FRMD5: variants seen among roughly 807,000 people sequenced by gnomAD.
The protein encoded by FRMD5 is FERM domain-containing protein 5.
FRMD5 carries 20 observed loss-of-function variants against 69.0 expected under a neutral mutation model. That is an observed-to-expected ratio of 0.29 (90% CI 0.20 to 0.42). The LOEUF (loss-of-function observed/expected upper bound fraction) is 0.42, where lower values mean the gene tolerates loss of function less well. Among genes scored for constraint, FRMD5 ranks in the 10% least tolerant of loss-of-function variants. The pLI, the probability that FRMD5 is intolerant of heterozygous loss-of-function variation, is 1.00. For synonymous variants in FRMD5, 271 were observed against 260.1 expected (o/e 1.04, Z -0.40); for missense variants, 595 against 708.6 (o/e 0.84, Z 1.82).
At chr15:43,897,911 T>TC (rs151194842) in intron 7 of FRMD5, among the ~76,000 whole-genome samples, 4 of 151,686 alleles carry the variant, frequency 2.6e-5, no homozygotes, top group African/African-American at 7.3e-5. Flanking sequence ...GTATGGCATC[T>TC]CCCCCCTCAT....
At chr15:44,120,605 C>T (rs2076934896) in intron 1 of FRMD5, among the ~76,000 whole-genome samples, 1 of 146,166 alleles carries the variant, frequency 6.8e-6, no homozygotes, top group Admixed American at 7.0e-5. Flanking sequence ...GCAATCTCGG[C>T]TCCGCCTCCC....
chr15:44,018,934 C>T (rs1891088735), intron 1 of FRMD5, among the ~76,000 whole-genome samples: 1 of 151,924 alleles, frequency 6.6e-6, no homozygotes, highest in Admixed American at 6.6e-5. Flanking sequence ...CTCACTCTGT[C>T]ACCCAGGCTG....
At chr15:43,905,426 C>T (rs1409452209) in intron 6 of FRMD5, among the ~76,000 whole-genome samples, 3 of 152,020 alleles carry the variant, frequency 2.0e-5, no homozygotes, top group African/African-American at 7.2e-5. Flanking sequence ...CGTAAGCCAC[C>T]GCGCCTGGCC....
intron 1 of FRMD5, among the ~76,000 whole-genome samples, chr15:43,943,344 T>C (rs947188120): frequency 6.6e-5 from 10 of 152,208 alleles, no homozygotes; most frequent in Middle Eastern, 3.4e-3. Context: ...TCTCCTAAAG[T>C]GTTGGGATTA....
intron 7 of FRMD5, among the ~76,000 whole-genome samples, chr15:43,893,921 A>G (rs1415262013): frequency 1.3e-5 from 2 of 152,224 alleles, no homozygotes; most frequent in Non-Finnish European, 2.9e-5. Flanking sequence ...GGTCCAGGGA[A>G]TAAACTAAGT....
At chr15:43,960,491 T>C (rs1370428200) in intron 1 of FRMD5, among the ~76,000 whole-genome samples, 3 of 152,080 alleles carry the variant, frequency 2.0e-5, no homozygotes, top group African/African-American at 7.2e-5. Flanking sequence ...CCTCATGATC[T>C]GCCCGCCTCG....
chr15:43,875,809 T>TTTTGTTTTG, intron 13 of FRMD5: 1 of 361,478 alleles, frequency 2.8e-6, no homozygotes, highest in African/African-American at 2.3e-5. Context: ...GCCTAGTTTT[T>TTTTGTTTTG]TTTTTTTTTT....
upstream of FRMD5, among the ~76,000 whole-genome samples, chr15:44,199,252 T>C (rs554171427): frequency 1.3e-5 from 2 of 152,254 alleles, no homozygotes; most frequent in East Asian, 3.9e-4. Flanking sequence ...AAAAAAAGAA[T>C]AATCTGAAGT....
At chr15:44,080,806 G>C (rs771988286) in intron 1 of FRMD5, among the ~76,000 whole-genome samples, 1 of 152,022 alleles carries the variant, frequency 6.6e-6, no homozygotes, top group Non-Finnish European at 1.5e-5. Flanking sequence ...CCTAGACAGA[G>C]AACCCTCAAG....
intron 1 of FRMD5, among the ~76,000 whole-genome samples, chr15:44,039,390 A>G (rs1054517653): frequency 6.6e-6 from 1 of 152,202 alleles, no homozygotes; most frequent in African/African-American, 2.4e-5. Context: ...GACACCTCCC[A>G]GTAGGGGCCA....
chr15:44,082,295 A>T (rs1250628439), intron 1 of FRMD5, among the ~76,000 whole-genome samples: 1 of 151,988 alleles, frequency 6.6e-6, no homozygotes, highest in Non-Finnish European at 1.5e-5. Flanking sequence ...TGCACTGGCA[A>T]AACCAAACTA....
chr15:44,083,537 A>C (rs1005026050), intron 1 of FRMD5, among the ~76,000 whole-genome samples: 2 of 151,998 alleles, frequency 1.3e-5, no homozygotes, highest in Admixed American at 6.6e-5. Flanking sequence ...CCGAGCTTCA[A>C]CTGAACCCAG....
At chr15:44,152,136 G>A (rs1283819247) in intron 1 of FRMD5, among the ~76,000 whole-genome samples, 1 of 152,158 alleles carries the variant, frequency 6.6e-6, no homozygotes, top group Non-Finnish European at 1.5e-5. Context: ...CTTGAACCTG[G>A]GAGGCACAGG....
intron 1 of FRMD5, among the ~76,000 whole-genome samples, chr15:43,945,460 C>G (rs1339852476): frequency 6.6e-6 from 1 of 152,142 alleles, no homozygotes; most frequent in African/African-American, 2.4e-5. Flanking sequence ...TAAATTACTA[C>G]TGAGGACATT....
chr15:43,885,520 A>G (rs375524071), intron 11 of FRMD5, 161 bp downstream of exon 11: 42 of 643,486 alleles, frequency 6.5e-5, no homozygotes, highest in East Asian at 6.2e-4. Flanking sequence ...TAGGGAAGGA[A>G]GGAAATAGTA....
intron 1 of FRMD5, among the ~76,000 whole-genome samples, chr15:44,078,650 C>T (rs1450941348): frequency 6.6e-6 from 1 of 151,996 alleles, no homozygotes; most frequent in Non-Finnish European, 1.5e-5. Flanking sequence ...AGCCAATGGC[C>T]AAATTATTTT....
At chr15:44,160,904 AGAAG>A (rs1408806795) in intron 1 of FRMD5, among the ~76,000 whole-genome samples, 1 of 152,224 alleles carries the variant, frequency 6.6e-6, no homozygotes, top group African/African-American at 2.4e-5. Flanking sequence ...CCCTTTCATA[AGAAG>A]GAAGTAAATT....
At chr15:44,129,254 A>G (rs1460349916) in intron 1 of FRMD5, among the ~76,000 whole-genome samples, 1 of 152,222 alleles carries the variant, frequency 6.6e-6, no homozygotes. Flanking sequence ...TCTAGTAAAA[A>G]ATAATTTTGT....
Position 44,020,653 on chromosome 15 carries a change from TC to T in FRMD5, c.103-96345del, listed in dbSNP as rs375809936. Among the ~76,000 whole-genome samples the T allele has an allele frequency of 3.6e-4, 55 of 152,356 alleles. No individual in the cohort carries two copies. The East Asian group carries it at 0.01, about 28-fold the overall frequency. On this transcript the variant is annotated intron_variant, in intron 1 of 13. Coordinates refer to ENST00000417257, the MANE Select transcript of FRMD5 (RefSeq NM_032892.5). ...TCTTTGCTAAATCAATGAATAATTT[TC>T]CCATACTGGAAGAATATTTCTCAAT...
Sources: gnomAD v4.1 joint callset for allele counts (sites outside exome capture counted in the v4.1 genomes callset) on GRCh38, gnomAD v4.1.1 for gene constraint, MANE v1.5 for transcripts, NCBI Gene and HGNC (gene_info 2026-07-23, HGNC 2026-07-21) for gene names.